LAMA4: variants seen among roughly 807,000 people sequenced by gnomAD.
LAMA4 encodes the protein laminin subunit alpha-4.
Under a neutral mutation model 207.1 loss-of-function variants are expected in LAMA4, and 127 were observed. The ratio of observed to expected loss-of-function variants is 0.61; its 90% CI spans 0.53 to 0.71. The LOEUF is 0.71. Among genes scored for constraint, LAMA4 ranks in the 30% least tolerant of loss-of-function variants. LAMA4 has a pLI of 0.00. For missense variants in LAMA4, 2,093 were observed against 2,246.5 expected, an observed-to-expected ratio of 0.93 and a Z score of 1.38; for synonymous variants, 761 against 816.0, an observed-to-expected ratio of 0.93 and a Z score of 1.15.
chr6:112,181,287 G>A (rs975045700), intron 9 of LAMA4, among the ~76,000 whole-genome samples: 1 of 152,208 alleles, frequency 6.6e-6, no homozygotes, highest in African/African-American at 2.4e-5. Context: ...ACACTGCAGA[G>A]GGACGTTTCT....
At chr6:112,153,548 C>CT (rs1323498028) in intron 16 of LAMA4, among the ~76,000 whole-genome samples, 1 of 151,980 alleles carries the variant, frequency 6.6e-6, no homozygotes, top group East Asian at 1.9e-4. Context: ...AGAAAAGTTG[C>CT]TTTTATGAGG....
At chr6:112,173,091 A>G (rs1781818794) in intron 11 of LAMA4, among the ~76,000 whole-genome samples, 1 of 152,170 alleles carries the variant, frequency 6.6e-6, no homozygotes, top group Admixed American at 6.5e-5. Context: ...TATGCTTATT[A>G]TTATCCAGAT....
chr6:112,146,992 G>A (rs1780067652), intron 18 of LAMA4, among the ~76,000 whole-genome samples: 1 of 152,170 alleles, frequency 6.6e-6, no homozygotes, highest in Non-Finnish European at 1.5e-5. Flanking sequence ...GAAAAAGGGA[G>A]CCACCTTATA....
chr6:112,115,972 A>C lies in LAMA4; in HGVS notation c.5003T>G (p.Leu1668Trp). 6.2e-7 allele frequency: 1 copy of C among 1,613,284 alleles called. No individual in the cohort carries two copies. The highest frequency in any genetic ancestry group is 1.3e-5 in the African/African-American group (1 of 75,004). Reference protein sequence around the residue: ...VVLDESFNIGLKFEIAFEVRP... With the variant: ...VVLDESFNIGWKFEIAFEVRP... ...GACTTCAAATGCAATTTCAAACTTC[A>C]ATCCAATATTGAAAGATTCATCTGT... Residue 1668 changes from leucine (L) to tryptophan (W), a missense_variant, in exon 36 of 39, where the codon TTG (leucine) becomes TGG (tryptophan). Physicochemically the swap from Leu to Trp is moderately conservative, Grantham distance 61. Transcript: ENST00000230538.
chr6:112,120,247 A>G (rs1554325651), intron 33 of LAMA4, 36 bp downstream of exon 33: 1 of 1,555,650 alleles, frequency 6.4e-7, no homozygotes, highest in South Asian at 1.1e-5. Flanking sequence ...AATGGTAGCT[A>G]TTTGCTGGTA....
chr6:112,205,970 T>C (rs1418813297), intron 4 of LAMA4, among the ~76,000 whole-genome samples: 6 of 152,202 alleles, frequency 3.9e-5, no homozygotes. Flanking sequence ...AGCATGGTGC[T>C]CCAGCAGAGA....
chr6:112,228,685 G>T (rs1785368942), intron 2 of LAMA4, among the ~76,000 whole-genome samples: 1 of 152,226 alleles, frequency 6.6e-6, no homozygotes, highest in Non-Finnish European at 1.5e-5. Context: ...GGAGCTTGCC[G>T]GCGGGAGCTG....
chr6:112,198,837 A>T (rs1158570939), intron 5 of LAMA4, among the ~76,000 whole-genome samples: 1 of 152,152 alleles, frequency 6.6e-6, no homozygotes, highest in Non-Finnish European at 1.5e-5. Context: ...GCATTTACTC[A>T]GTGCCAGGTC....
intron 3 of LAMA4, among the ~76,000 whole-genome samples, chr6:112,208,059 C>T (rs1390926633): frequency 6.6e-6 from 1 of 152,194 alleles, no homozygotes; most frequent in African/African-American, 2.4e-5. Flanking sequence ...CAGCTTTCTT[C>T]TATGGGACTA....
At chr6:112,130,371 A>G (rs1448563563) in intron 29 of LAMA4, among the ~76,000 whole-genome samples, 1 of 150,702 alleles carries the variant, frequency 6.6e-6, no homozygotes, top group East Asian at 1.9e-4. Context: ...TGATCACTTA[A>G]TCACATTTGT....
At chr6:112,173,560 T>C (rs75213834) in intron 11 of LAMA4, among the ~76,000 whole-genome samples, 1,693 of 152,288 alleles carry the variant, frequency 0.011, 16 homozygotes, top group Middle Eastern at 0.058. Flanking sequence ...GAAGTCTTGT[T>C]AAATTCCACA....
chr6:112,121,791 C>G, intron 32 of LAMA4: 1 of 487,968 alleles, frequency 2.0e-6, no homozygotes, highest in Non-Finnish European at 3.7e-6. Context: ...ATACAGTATC[C>G]TGGAAGAATA....
intron 2 of LAMA4, among the ~76,000 whole-genome samples, chr6:112,222,014 A>C (rs1784951833): frequency 6.6e-6 from 1 of 152,214 alleles, no homozygotes; most frequent in African/African-American, 2.4e-5. Flanking sequence ...GCTTTTGCTA[A>C]CTTTTGGCTC....
intron 12 of LAMA4, chr6:112,166,483 G>A (rs1002633974): frequency 1.3e-5 from 2 of 152,440 alleles, no homozygotes; most frequent in Admixed American, 1.3e-4. Flanking sequence ...GTTGAAAAAA[G>A]GTTGGTATTA....
At chr6:112,253,220 A>G in intron 2 of LAMA4, 1 of 159,842 alleles carries the variant, frequency 6.3e-6, no homozygotes, top group Non-Finnish European at 1.4e-5. Context: ...TGTCTGTTTC[A>G]GTTCAGGGGT....
chr6:112,112,385 G>A (rs1777754184), intron 38 of LAMA4, among the ~76,000 whole-genome samples: 1 of 152,158 alleles, frequency 6.6e-6, no homozygotes, highest in African/African-American at 2.4e-5. Flanking sequence ...GGTGTGGGGA[G>A]ATCCCGAAGG....
intron 7 of LAMA4, among the ~76,000 whole-genome samples, chr6:112,188,519 G>C (rs1220515886): frequency 1.3e-5 from 2 of 152,176 alleles, no homozygotes; most frequent in Non-Finnish European, 2.9e-5. Flanking sequence ...AGATACATCT[G>C]TTTGGGGGAG....
In LAMA4 at chr6:112,141,361, T is replaced by C. The variant is rs35605307; in HGVS notation, c.2810A>G (p.Glu937Gly). The change falls in exon 21 of 39, where the codon GAA becomes GGA. Residue 937 changes from glutamate to glycine, a missense_variant. By Grantham distance (98) the Glu-to-Gly change is moderately conservative. This residue lies in a region of LAMA4 where 1,704 missense variants were observed against 1,788.4 expected (regional missense o/e 0.95). Coordinates refer to ENST00000230538, the MANE Select transcript of LAMA4 (RefSeq NM_001105206.3). ...CTGTGTCATGGATTCACTGTACCTTTCAATCTTGACAATGCTGAAGTAAGC... is the reference window on the plus strand; with the variant it reads ...CTGTGTCATGGATTCACTGTACCTTCCAATCTTGACAATGCTGAAGTAAGC... ...WPAYFSIVKI[E>G]RVGKHGKVFL... 1,044 of 1,614,070 alleles carry C rather than the reference T, an allele frequency of 6.5e-4. 10 individuals carry two copies. In the African/African-American group the frequency reaches 0.012, roughly 19 times the overall value.
At chr6:112,170,372 C>G (rs1028613387) in intron 12 of LAMA4, among the ~76,000 whole-genome samples, 2 of 152,160 alleles carry the variant, frequency 1.3e-5, no homozygotes, top group Admixed American at 6.5e-5. Context: ...CAGTACGGAA[C>G]ATAGTTCTGG....
Sources: gnomAD v4.1 joint callset for allele counts (sites outside exome capture counted in the v4.1 genomes callset) on GRCh38, gnomAD v4.1.1 for gene constraint, gnomAD v4.1.1 regional missense constraint, MANE v1.5 for transcripts, NCBI Gene and HGNC (gene_info 2026-07-23, HGNC 2026-07-21) for gene names.